Variants in CD46 observed in about 807,000 individuals in gnomAD.
CD46 encodes CD46 molecule, also known as membrane cofactor protein.
In CD46, 30 loss-of-function variants were observed where a neutral mutation model predicts 53.3. That is an observed-to-expected ratio of 0.56 (90% CI 0.42 to 0.76). The LOEUF (loss-of-function observed/expected upper bound fraction) is 0.76, where lower values mean the gene tolerates loss of function less well. CD46 is among the 30% of genes least tolerant of loss of function. The pLI is 0.00. For synonymous variants in CD46, 142 were observed against 152.0 expected, an observed-to-expected ratio of 0.93 and a Z score of 0.48; for missense variants, 409 against 463.0, an observed-to-expected ratio of 0.88 and a Z score of 1.07.
At chr1:207,792,750 A>G (rs960547152) in intron 12 of CD46, among the ~76,000 whole-genome samples, 7 of 152,336 alleles carry the variant, frequency 4.6e-5, no homozygotes, top group Non-Finnish European at 8.8e-5. Context: ...GTCCAGTTCA[A>G]TAGCCATGCG....
At chr1:207,757,925 G>A (rs916678123) in intron 3 of CD46, among the ~76,000 whole-genome samples, 1 of 152,218 alleles carries the variant, frequency 6.6e-6, no homozygotes, top group Non-Finnish European at 1.5e-5. Flanking sequence ...ACAACTGAGT[G>A]TCCCCTATTT....
rs182507645 is a variant in CD46 at position 207,774,522 on chromosome 1, G to A, written c.943+4160G>A. On this transcript the variant is annotated intron_variant, in intron 8 of 12. Coordinates refer to ENST00000367042, the MANE Select transcript of CD46 (RefSeq NM_172351.3). ...GTATGTTTTTGCAGTGGCTGGTACC[G>A]GTTGTTCCTTTCCATGTTTAGTGCT... 1.4e-3 allele frequency among the ~76,000 whole-genome samples: 216 copies of A among 152,212 alleles called. 1 individual carries two copies. The highest frequency in any genetic ancestry group is 5.0e-3 in the African/African-American group (209 of 41,516).
intron 8 of CD46, among the ~76,000 whole-genome samples, chr1:207,777,392 A>G (rs768689908): frequency 1.3e-5 from 2 of 152,070 alleles, no homozygotes; most frequent in Non-Finnish European, 2.9e-5. Context: ...TACATAAGTA[A>G]ACGTGTCACA....
At chr1:207,764,112 A>G (rs534035794) in intron 5 of CD46, among the ~76,000 whole-genome samples, 1 of 152,188 alleles carries the variant, frequency 6.6e-6, no homozygotes, top group East Asian at 1.9e-4. Flanking sequence ...ATCTTTAGAG[A>G]CCTCAGATCC....
rs193082381 is a variant in CD46 at position 207,753,423 on chromosome 1, G to T, written c.97+1114G>T. Among the ~76,000 whole-genome samples, 515 of 152,304 alleles carry T rather than the reference G, an allele frequency of 3.4e-3. 3 individuals carry two copies. The highest frequency in any genetic ancestry group is 0.012 in the African/African-American group (488 of 41,584). On this transcript the variant is annotated intron_variant, in intron 1 of 12. Coordinates refer to ENST00000367042, the MANE Select transcript of CD46 (RefSeq NM_172351.3). ...AGTGGCTCACGCCTGTGATCCCAGC[G>T]CTTTGGGAGGCCCAGGCGGGGTGAT... is the stretch of plus-strand genomic sequence containing the variant.
At chr1:207,761,730 ATACACACTGGCTT>A (rs1558050649) in intron 5 of CD46, among the ~76,000 whole-genome samples, 1 of 151,876 alleles carries the variant, frequency 6.6e-6, no homozygotes, top group Non-Finnish European at 1.5e-5. Flanking sequence ...AAAAAAAAAA[ATACACACTGGCTT>A]AAAGAAAGTT....
chr1:207,782,738 C>T (rs1658882328), intron 8 of CD46, among the ~76,000 whole-genome samples: 1 of 149,154 alleles, frequency 6.7e-6, no homozygotes, highest in Non-Finnish European at 1.5e-5. Context: ...ACCTCCGCCT[C>T]CCGGGTTCAA....
intron 8 of CD46, among the ~76,000 whole-genome samples, chr1:207,779,848 G>A (rs1453705865): frequency 2.9e-5 from 4 of 138,250 alleles, no homozygotes; most frequent in African/African-American, 1.1e-4. Flanking sequence ...TGCATTCATA[G>A]GTGTTCCATC....
At chr1:207,758,427 G>A (rs1353709524) in intron 3 of CD46, among the ~76,000 whole-genome samples, 1 of 152,122 alleles carries the variant, frequency 6.6e-6, no homozygotes, top group Non-Finnish European at 1.5e-5. Flanking sequence ...GTGCAAAAAA[G>A]ACAAAGCACA....
At chr1:207,754,984 G>T (rs977584253) in intron 1 of CD46, among the ~76,000 whole-genome samples, 1 of 150,098 alleles carries the variant, frequency 6.7e-6, no homozygotes, top group Non-Finnish European at 1.5e-5. Flanking sequence ...AGCCAGGTGT[G>T]ATGTTGCATG....
In CD46 at chr1:207,752,477, C is replaced by G. The variant is rs1312482124; in HGVS notation, c.97+168C>G. On this transcript the variant is annotated intron_variant, in intron 1 of 12. Transcript: ENST00000367042. The surrounding 1 kb of genome is among the most constrained non-coding windows in gnomAD (Gnocchi z 4.1). Reference sequence around the variant, plus strand: ...GGGTATGTGGCGGGGAATGCGGGGACCACGCAGAGCCCGAGGTGAAGCTTG... The same window carrying G: ...GGGTATGTGGCGGGGAATGCGGGGAGCACGCAGAGCCCGAGGTGAAGCTTG... Among the ~76,000 whole-genome samples the G allele has an allele frequency of 6.6e-6, 1 of 152,148 alleles. No individual in the cohort carries two copies. Among genetic ancestry groups the G allele is most frequent in the Admixed American group, 6.5e-5 (1 of 15,290 alleles).
rs1474636545 is a variant in CD46, at chr1:207,794,359, A to G, written c.*882A>G. The G allele has an allele frequency of 6.6e-6, 1 of 152,268 alleles. No homozygotes were observed. The highest frequency in any genetic ancestry group is 1.5e-5 in the Non-Finnish European group (1 of 68,080). The allele number at this position is 152,268 out of a possible 1,614,324, so 9.4% of individuals were successfully genotyped here. ...AGTGCCACTTCATGGTGCGAAGTGAACACTGTAGTCTTGTTGTTTTCCCAA... is the reference window on the plus strand; with the variant it reads ...AGTGCCACTTCATGGTGCGAAGTGAGCACTGTAGTCTTGTTGTTTTCCCAA... On this transcript the variant is annotated 3_prime_UTR_variant, in exon 13 of 13. Coordinates refer to ENST00000367042, the MANE Select transcript of CD46 (RefSeq NM_172351.3).
Position 207,790,292 on chromosome 1 carries a change from TACTTCTCTCTGAGAAG to T in CD46, c.1123_*4del. 3.7e-6 allele frequency: 6 copies of T among 1,600,228 alleles called. No homozygotes were observed. The South Asian group carries it at 6.6e-5, about 18-fold the overall frequency. ...ATGAGACCCACAGAGAAGTAAAATT[TACTTCTCTCTGAGAAG>T]GAGAGATGAGAGAAAGGTTTGCTTT... On this transcript the variant is annotated stop_lost and 3_prime_UTR_variant, in exon 12 of 13. Coordinates refer to ENST00000367042, the MANE Select transcript of CD46 (RefSeq NM_172351.3).
chr1:207,759,866 T>G (rs1349981639), intron 4 of CD46, 142 bp downstream of exon 4: 1 of 603,096 alleles, frequency 1.7e-6, no homozygotes, highest in East Asian at 2.9e-5. Context: ...ATTTATCATA[T>G]TGGAATTCAA....
intron 8 of CD46, among the ~76,000 whole-genome samples, chr1:207,778,401 G>T (rs1658349692): frequency 6.6e-6 from 1 of 151,620 alleles, no homozygotes; most frequent in South Asian, 2.1e-4. Flanking sequence ...TTGTCTTCCA[G>T]GGTTTTTATA....
At chr1:207,764,994 T>A (rs980157384) in intron 5 of CD46, among the ~76,000 whole-genome samples, 1 of 152,092 alleles carries the variant, frequency 6.6e-6, no homozygotes, top group African/African-American at 2.4e-5. Flanking sequence ...AAAAACATTA[T>A]AAGAAAATTA....
chr1:207,759,701 G>A lies in CD46; in HGVS notation c.452G>A (p.Ser151Asn). 5 of 1,606,136 alleles carry A rather than the reference G, an allele frequency of 3.1e-6. No individual in the cohort carries two copies. Among genetic ancestry groups the A allele is most frequent in the Non-Finnish European group, 4.3e-6 (5 of 1,173,088 alleles). The change falls in exon 4 of 13, where the codon AGC (serine) becomes AAC (asparagine). Residue 151 changes from serine to asparagine, a missense_variant. Ser to Asn is a conservative substitution (Grantham distance 46, BLOSUM62 1). Coordinates refer to ENST00000367042, the MANE Select transcript of CD46 (RefSeq NM_172351.3). ...CELKGSVAIW[S>N]GKPPICEKVL... is the part of the protein sequence containing the mutation. Reference sequence around the variant, plus strand: ...CTTAAAGGATCAGTAGCAATTTGGAGCGGTAAGCCCCCAATATGTGAAAGT... The same window carrying A: ...CTTAAAGGATCAGTAGCAATTTGGAACGGTAAGCCCCCAATATGTGAAAGT...
chr1:207,763,496 C>T (rs1197827417), intron 5 of CD46, among the ~76,000 whole-genome samples: 1 of 152,224 alleles, frequency 6.6e-6, no homozygotes, highest in Non-Finnish European at 1.5e-5. Flanking sequence ...TTGACATCCC[C>T]ACAGCCCTGC....
chr1:207,752,287 G>T lies in CD46; in HGVS notation c.75G>T (p.Val25=). Reference sequence around the variant, plus strand: ...CTGGGTTGCTTCTGGCGGCCATGGTGTTGCTGCTGTACTCCTTCTCCGGTA... The same window carrying T: ...CTGGGTTGCTTCTGGCGGCCATGGTTTTGCTGCTGTACTCCTTCTCCGGTA... ...RFPGLLLAAM[V]LLLYSFSDAC... Residue 25 remains valine, a synonymous_variant, in exon 1 of 13, where the codon GTG becomes GTT. Coordinates refer to ENST00000367042, the MANE Select transcript of CD46 (RefSeq NM_172351.3). This position sits in a 1 kb window ranked among gnomAD's most constrained non-coding sequence, Gnocchi z 4.1. 1 of 1,614,132 alleles carries T rather than the reference G, an allele frequency of 6.2e-7. No homozygotes were observed. Among genetic ancestry groups the T allele is most frequent in the South Asian group, 1.1e-5 (1 of 91,082 alleles).
Sources: allele counts gnomAD v4.1 joint callset (sites outside exome capture counted in the v4.1 genomes callset), GRCh38; gene constraint gnomAD v4.1.1; non-coding constraint Gnocchi (gnomAD v3.1); transcripts MANE v1.5; gene names NCBI Gene and HGNC (gene_info 2026-07-23, HGNC 2026-07-21).